ANKS1A: variants seen among roughly 807,000 people sequenced by gnomAD.
ANKS1A encodes the protein ankyrin repeat and SAM domain-containing protein 1A.
ANKS1A carries 55 observed loss-of-function variants against 120.3 expected under a neutral mutation model. That is an observed-to-expected ratio of 0.46 (90% CI 0.37 to 0.57). The LOEUF (loss-of-function observed/expected upper bound fraction) is 0.57. ANKS1A is among the 20% of genes least tolerant of loss of function. ANKS1A has a pLI of 0.00. For synonymous variants in ANKS1A, 590 were observed against 604.7 expected (o/e 0.98, Z 0.36); for missense variants, 1,123 against 1,480.3 (o/e 0.76, Z 3.96).
intron 11 of ANKS1A, among the ~76,000 whole-genome samples, chr6:35,042,337 C>A (rs903574652): frequency 6.6e-6 from 1 of 152,164 alleles, no homozygotes; most frequent in Non-Finnish European, 1.5e-5. Context: ...TGTCTCCCCC[C>A]TCTCATTTTC....
intron 9 of ANKS1A, among the ~76,000 whole-genome samples, chr6:34,990,158 G>A (rs888620728): frequency 6.6e-6 from 1 of 152,014 alleles, no homozygotes; most frequent in Non-Finnish European, 1.5e-5. Context: ...GTATTGCCAC[G>A]GACCATGGCA....
chr6:35,080,725 T>C (rs1027769954), intron 16 of ANKS1A, among the ~76,000 whole-genome samples: 5 of 152,126 alleles, frequency 3.3e-5, no homozygotes, highest in Admixed American at 1.3e-4. Flanking sequence ...CTTTGTTTGG[T>C]CATGTGCAGA....
chr6:34,959,439 A>C (rs1482642138), intron 1 of ANKS1A, among the ~76,000 whole-genome samples: 3 of 148,200 alleles, frequency 2.0e-5, no homozygotes, highest in African/African-American at 7.4e-5. Context: ...AATTCCTTAC[A>C]TAGTGCTCTG....
chr6:35,054,056 C>A, intron 11 of ANKS1A, 43 bp from the exon 12 acceptor site: 1 of 1,578,654 alleles, frequency 6.3e-7, no homozygotes, highest in South Asian at 1.1e-5. Context: ...AGGTTTACCC[C>A]AAGCCTGACT....
chr6:34,950,537 G>A (rs563924955), intron 1 of ANKS1A, among the ~76,000 whole-genome samples: 23 of 152,104 alleles, frequency 1.5e-4, no homozygotes, highest in Non-Finnish European at 2.9e-4. Flanking sequence ...CCAGGAAGAC[G>A]TTTTTCAAGA....
At chr6:35,081,256 A>G in intron 17 of ANKS1A, 98 bp downstream of exon 17, 4 of 1,418,168 alleles carry the variant, frequency 2.8e-6, no homozygotes, top group Non-Finnish European at 3.7e-6. Context: ...ACTTGAGCAC[A>G]GTTGGGCTGG....
At chr6:34,933,014 A>G (rs1016811125) in intron 1 of ANKS1A, among the ~76,000 whole-genome samples, 10 of 152,132 alleles carry the variant, frequency 6.6e-5, no homozygotes, top group African/African-American at 9.7e-5. Flanking sequence ...TGTCCATTTT[A>G]TTTTATCCTA....
chr6:35,054,121 T>C lies in ANKS1A; in HGVS notation c.2033T>C (p.Ile678Thr). 1 of 1,614,024 alleles carries C rather than the reference T, an allele frequency of 6.2e-7. No homozygotes were observed. Among genetic ancestry groups the C allele is most frequent in the South Asian group, 1.1e-5 (1 of 91,078 alleles). ...WDEIEKIMSS[I>T]GEGIDFSQER... ...CAGATTGAGAAAATCATGAGTTCTA[T>C]TGGAGAAGGGATTGACTTTTCTCAG... The change falls in exon 12 of 24, where the codon ATT becomes ACT. Residue 678 changes from isoleucine (I) to threonine (T), a missense_variant. Physicochemically the swap from Ile to Thr is moderately conservative, Grantham distance 89. This residue lies in a region of ANKS1A where 904 missense variants were observed against 1,130.4 expected (regional missense o/e 0.80). Coordinates refer to ENST00000360359, the MANE Select transcript of ANKS1A (RefSeq NM_015245.3).
Position 35,079,536 on chromosome 6 carries a change from C to T in ANKS1A, c.2304C>T (p.Asp768=), listed in dbSNP as rs138150663. ...SLPKVKALGY[D]GNSPPSVPSW... ...TGTAGGTGAAGGCTCTGGGTTATGA[C>T]GGGAACAGCCCCCCTAGCGTGCCCT... Residue 768 remains aspartate (D), a synonymous_variant, in exon 15 of 24, where the codon GAC becomes GAT. Coordinates refer to ENST00000360359, the MANE Select transcript of ANKS1A (RefSeq NM_015245.3). 120 of 1,613,702 alleles carry T rather than the reference C, an allele frequency of 7.4e-5. No individual in the cohort carries two copies. In the African/African-American group the frequency reaches 1.2e-3, roughly 16 times the overall value.
At position 35,017,525 on chromosome 6, in the gene ANKS1A, C is replaced by T. The variant is rs771392260; in HGVS notation, c.1476C>T (p.Asp492=). 283 of 1,613,766 alleles carry T rather than the reference C, an allele frequency of 1.8e-4. No individual in the cohort carries two copies. The highest frequency in any genetic ancestry group is 2.3e-4 in the Non-Finnish European group (275 of 1,179,914). Reference sequence around the variant, plus strand: ...GCCAGGACTCTGCGGAGGGGCAGGACGGGCAGGTCCCAGAGCAGTTCTCAG... The same window carrying T: ...GCCAGGACTCTGCGGAGGGGCAGGATGGGCAGGTCCCAGAGCAGTTCTCAG... ...SRSQDSAEGQ[D]GQVPEQFSGL... Residue 492 remains aspartate (D), a synonymous_variant, in exon 11 of 24, where the codon GAC becomes GAT. Transcript: ENST00000360359.
intron 13 of ANKS1A, among the ~76,000 whole-genome samples, chr6:35,077,391 T>C (rs1352406853): frequency 6.6e-6 from 1 of 152,216 alleles, no homozygotes; most frequent in African/African-American, 2.4e-5. Context: ...CATGCACTGC[T>C]GCGGAACAAT....
At chr6:34,956,799 G>A (rs1372660937) in intron 1 of ANKS1A, among the ~76,000 whole-genome samples, 1 of 152,122 alleles carries the variant, frequency 6.6e-6, no homozygotes, top group African/African-American at 2.4e-5. Flanking sequence ...TAATATTCCT[G>A]CGTCTAGATC....
chr6:35,006,206 A>T (rs953981608), intron 10 of ANKS1A, among the ~76,000 whole-genome samples: 2 of 120,658 alleles, frequency 1.7e-5, no homozygotes, highest in African/African-American at 5.3e-5. Flanking sequence ...AAAAAAAAAA[A>T]ATCAAGAATT....
chr6:35,010,703 T>G (rs1426834705), intron 10 of ANKS1A, among the ~76,000 whole-genome samples: 1 of 152,098 alleles, frequency 6.6e-6, no homozygotes, highest in Non-Finnish European at 1.5e-5. Flanking sequence ...AGAAAAAGGG[T>G]TAGGCAGTTA....
intron 1 of ANKS1A, among the ~76,000 whole-genome samples, chr6:34,920,226 A>G (rs1285455373): frequency 6.6e-6 from 1 of 151,176 alleles, no homozygotes; most frequent in Non-Finnish European, 1.5e-5. Flanking sequence ...TTCTTTCTTT[A>G]TTTTTTAGAG....
chr6:35,076,683 C>A (rs190999981), intron 13 of ANKS1A, among the ~76,000 whole-genome samples: 1 of 152,176 alleles, frequency 6.6e-6, no homozygotes, highest in African/African-American at 2.4e-5. Flanking sequence ...GGCTAGAGTG[C>A]AGTGGCGTGA....
intron 11 of ANKS1A, chr6:35,038,169 A>G (rs1775277999): frequency 2.2e-6 from 1 of 456,420 alleles, no homozygotes; most frequent in South Asian, 1.5e-5. Flanking sequence ...ATCTTGTCCT[A>G]CTGTTGTTTT....
intron 1 of ANKS1A, among the ~76,000 whole-genome samples, chr6:34,935,318 C>A (rs563334040): frequency 2.0e-5 from 3 of 152,286 alleles, no homozygotes; most frequent in Admixed American, 1.3e-4. Context: ...AACTCCTGGG[C>A]TCAAGCATTC....
At chr6:34,955,380 G>A (rs187170187) in intron 1 of ANKS1A, among the ~76,000 whole-genome samples, 8 of 152,142 alleles carry the variant, frequency 5.3e-5, no homozygotes, top group South Asian at 4.2e-4. Flanking sequence ...CAGGTGATCC[G>A]TCCACCTCAG....
Sources: gnomAD v4.1 joint callset for allele counts (sites outside exome capture counted in the v4.1 genomes callset) on GRCh38, gnomAD v4.1.1 for gene constraint, gnomAD v4.1.1 regional missense constraint, MANE v1.5 for transcripts, NCBI Gene and HGNC (gene_info 2026-07-23, HGNC 2026-07-21) for gene names.